Variants in TMEM161A observed in about 807,000 individuals in gnomAD.
The protein encoded by TMEM161A is adaptive response to oxidative stress protein 29.
TMEM161A carries 46 observed loss-of-function variants against 57.1 expected under a neutral mutation model. That is an observed-to-expected ratio of 0.81 (90% CI 0.64 to 1.03). TMEM161A has a LOEUF of 1.03. Ranked by LOEUF, TMEM161A falls within the 50% of genes least tolerant of loss-of-function variation. The pLI is 0.00. For synonymous variants in TMEM161A, 288 were observed against 279.0 expected (o/e 1.03, Z -0.32); for missense variants, 601 against 621.5 (o/e 0.97, Z 0.35).
At chr19:19,120,444 C>G (rs1351026652) in intron 11 of TMEM161A, among the ~76,000 whole-genome samples, 3 of 151,534 alleles carry the variant, frequency 2.0e-5, no homozygotes, top group Non-Finnish European at 4.4e-5. Context: ...AAGACGCAAC[C>G]CCTCCCCAGG....
chr19:19,132,832 G>T lies in TMEM161A; in HGVS notation c.189-78C>A. 8.2e-7 allele frequency: 1 copy of T among 1,214,154 alleles called. No homozygotes were observed. The highest frequency in any genetic ancestry group is 1.1e-6 in the Non-Finnish European group (1 of 875,116). 75.2% of individuals were successfully genotyped at this position (1,214,154 alleles called of 1,614,324 possible). A position where few individuals can be genotyped will look rare whatever the true frequency, so the allele number is the denominator to read the frequency against. On this transcript the variant is annotated intron_variant, in intron 3 of 11. Coordinates refer to ENST00000162044, the MANE Select transcript of TMEM161A (RefSeq NM_017814.3). This position sits in a 1 kb window ranked among gnomAD's most constrained non-coding sequence, Gnocchi z 4.3. ...CCAGCCACCCTCAGAGCTCAGAGCA[G>T]CTGGCCTGGAGACCATCTCTTTCCA... is the stretch of plus-strand genomic sequence containing the variant.
intron 6 of TMEM161A, among the ~76,000 whole-genome samples, chr19:19,124,960 CAAAAACAAAAACAAAA>C (rs2059924299): frequency 6.6e-6 from 1 of 151,158 alleles, no homozygotes; most frequent in Non-Finnish European, 1.5e-5. Context: ...CATCTCAAAA[CAAAAACAAAAACAAAA>C]AAAAACTTAG....
Position 19,134,805 on chromosome 19 carries a change from C to A in TMEM161A, c.86G>T (p.Arg29Leu), listed in dbSNP as rs143085909. The change falls in exon 2 of 12, where the codon CGC becomes CTC. Residue 29 changes from arginine (R) to leucine (L), a missense_variant. Physicochemically the swap from Arg to Leu is moderately radical, Grantham distance 102. Coordinates refer to ENST00000162044, the MANE Select transcript of TMEM161A (RefSeq NM_017814.3). ...TCACCTGCCGTTACAGAGCAGCCAG[C>A]GCGCGAAGGAGCAGTGTGGCGCCAG... is the stretch of plus-strand genomic sequence containing the variant. ...HRLAPHCSFARWLLCNGSLFR... is the reference protein window; with the variant it reads ...HRLAPHCSFALWLLCNGSLFR... 2.2e-5 allele frequency: 35 copies of A among 1,584,798 alleles called. No homozygotes were observed. Among genetic ancestry groups the A allele is most frequent in the African/African-American group, 4.0e-5 (3 of 74,160 alleles).
intron 2 of TMEM161A, among the ~76,000 whole-genome samples, chr19:19,133,840 G>C (rs899424754): frequency 6.6e-6 from 1 of 152,148 alleles, no homozygotes; most frequent in Non-Finnish European, 1.5e-5. Flanking sequence ...CACCATCTCA[G>C]CTCACTGCAG....
chr19:19,135,305 C>T (rs1423661327), intron 1 of TMEM161A, among the ~76,000 whole-genome samples: 1 of 152,178 alleles, frequency 6.6e-6, no homozygotes, highest in Non-Finnish European at 1.5e-5. Flanking sequence ...GCGGCTCCCA[C>T]CGCCTTCTGC....
intron 5 of TMEM161A, 82 bp from the exon 6 acceptor site, chr19:19,130,389 C>A (rs1416501558): frequency 9.0e-6 from 14 of 1,558,942 alleles, no homozygotes; most frequent in Non-Finnish European, 1.1e-5. Flanking sequence ...GACCCCAGAA[C>A]TCCAGGGAAC....
chr19:19,130,589 C>G (rs540986134), intron 5 of TMEM161A: 2 of 442,202 alleles, frequency 4.5e-6, no homozygotes, highest in African/African-American at 3.9e-5. Flanking sequence ...TACTTCACAT[C>G]CCTTGGAAAA....
chr19:19,136,158 G>A (rs2059983615), intron 1 of TMEM161A, among the ~76,000 whole-genome samples: 1 of 151,958 alleles, frequency 6.6e-6, no homozygotes, highest in Admixed American at 6.6e-5. Flanking sequence ...ATACCCATTT[G>A]CTGCCAGTAA....
At chr19:19,137,338 CA>C (rs1168222186) in intron 1 of TMEM161A, among the ~76,000 whole-genome samples, 2 of 152,136 alleles carry the variant, frequency 1.3e-5, no homozygotes, top group East Asian at 3.9e-4. Flanking sequence ...CACCACCCCC[CA>C]AAACCCCCCA....
At chr19:19,125,080 GCTAA>G (rs927285850) in intron 6 of TMEM161A, among the ~76,000 whole-genome samples, 66 of 152,206 alleles carry the variant, frequency 4.3e-4, no homozygotes, top group African/African-American at 1.3e-3. Flanking sequence ...GAGCCAAGTA[GCTAA>G]CTGAGAAATT....
chr19:19,135,007 G>A, intron 1 of TMEM161A, 120 bp from the exon 2 acceptor site: 1 of 681,242 alleles, frequency 1.5e-6, no homozygotes, highest in Non-Finnish European at 2.5e-6. Context: ...GAGCCTCTTA[G>A]GCTCTAGCGG....
At chr19:19,126,978 CA>C (rs67863677) in intron 6 of TMEM161A, among the ~76,000 whole-genome samples, 100,084 of 151,450 alleles carry the variant, frequency 0.66, 33,621 homozygotes, top group East Asian at 0.89. Context: ...ATCCGGGAGG[CA>C]AAGGTTGCAG....
At position 19,132,323 on chromosome 19, in the gene TMEM161A, C is replaced by A. The variant is rs2059962778; in HGVS notation, c.443+29G>T. ...GCTCAGGTCCTGCTCCCACCCGCCC[C>A]ACTGGCAGGGAGCAGAGAGGAAGGA... is the stretch of plus-strand genomic sequence containing the variant. On this transcript the variant is annotated intron_variant, in intron 5 of 11. Transcript: ENST00000162044. This position sits in a 1 kb window ranked among gnomAD's most constrained non-coding sequence, Gnocchi z 4.3. 1 of 1,595,894 alleles carries A rather than the reference C, an allele frequency of 6.3e-7. No individual in the cohort carries two copies. The highest frequency in any genetic ancestry group is 1.3e-5 in the African/African-American group (1 of 74,608).
intron 3 of TMEM161A, 129 bp downstream of exon 3, chr19:19,133,001 G>C (rs1197204517): frequency 1.2e-6 from 1 of 848,816 alleles, no homozygotes; most frequent in Non-Finnish European, 1.8e-6. Flanking sequence ...CCTGTGCCCA[G>C]ATCAGCGCCT....
chr19:19,129,602 A>C (rs2059947657), intron 6 of TMEM161A, among the ~76,000 whole-genome samples: 1 of 151,856 alleles, frequency 6.6e-6, no homozygotes, highest in African/African-American at 2.4e-5. Flanking sequence ...TAAATAAATA[A>C]TTTTTTAAAA....
At chr19:19,125,807 C>A (rs1459065559) in intron 6 of TMEM161A, among the ~76,000 whole-genome samples, 2 of 151,926 alleles carry the variant, frequency 1.3e-5, no homozygotes, top group East Asian at 3.9e-4. Flanking sequence ...TGAGCCACCA[C>A]CCCTGGCCAG....
Position 19,121,673 on chromosome 19 carries a change from G to C in TMEM161A, c.657-5C>G. 6.2e-7 allele frequency: 1 copy of C among 1,613,398 alleles called. No homozygotes were observed. The highest frequency in any genetic ancestry group is 8.5e-7 in the Non-Finnish European group (1 of 1,179,484). The stretch of plus-strand genomic sequence containing the variant: ...GCCAGCTTGGCCACAGGAAGCCTAG[G>C]AGAACACCAGGTCACGAGCCTGCCT... On this transcript the variant is annotated splice_region_variant and splice_polypyrimidine_tract_variant and intron_variant, in intron 7 of 11. Transcript: ENST00000162044. This position sits in a 1 kb window ranked among gnomAD's most constrained non-coding sequence, Gnocchi z 5.8.
At chr19:19,126,013 C>T (rs2059929330) in intron 6 of TMEM161A, among the ~76,000 whole-genome samples, 2 of 151,448 alleles carry the variant, frequency 1.3e-5, no homozygotes, top group South Asian at 4.2e-4. Context: ...CGCCTGTAAT[C>T]CCAGCACTTT....
At chr19:19,120,712 T>C in intron 11 of TMEM161A, 53 bp downstream of exon 11, 1 of 1,406,640 alleles carries the variant, frequency 7.1e-7, no homozygotes, top group East Asian at 2.6e-5. Flanking sequence ...ACCTCCACTC[T>C]GTTTTATCTT....
Sources: allele counts gnomAD v4.1 joint callset (sites outside exome capture counted in the v4.1 genomes callset), GRCh38; gene constraint gnomAD v4.1.1; non-coding constraint Gnocchi (gnomAD v3.1); transcripts MANE v1.5; gene names NCBI Gene and HGNC (gene_info 2026-07-23, HGNC 2026-07-21).